PCDHA1: variants seen among roughly 807,000 people sequenced by gnomAD.
The protein encoded by PCDHA1 is protocadherin alpha-1.
In PCDHA1, 42 loss-of-function variants were observed where a neutral mutation model predicts 61.3. The ratio of observed to expected loss-of-function variants is 0.69; its 90% confidence interval spans 0.54 to 0.89. The LOEUF (loss-of-function observed/expected upper bound fraction) is 0.89, where lower values mean the gene tolerates loss of function less well. Ranked by LOEUF, PCDHA1 falls within the 40% of genes least tolerant of loss-of-function variation. PCDHA1 has a pLI of 0.00. For synonymous variants in PCDHA1, 610 were observed against 553.8 expected (o/e 1.10, Z -1.43); for missense variants, 1,256 against 1,235.3 (o/e 1.02, Z -0.25).
At chr5:140,803,410 C>T (rs369771411) in intron 1 of PCDHA1, 3 of 1,614,118 alleles carry the variant, frequency 1.9e-6, no homozygotes, top group African/African-American at 1.3e-5. Flanking sequence ...GGCAAGCCCA[C>T]GCTGGTGTGC....
intron 1 of PCDHA1, among the ~76,000 whole-genome samples, chr5:140,947,275 T>C (rs246050): frequency 1.3e-5 from 2 of 151,244 alleles, no homozygotes; most frequent in Non-Finnish European, 3.0e-5. Flanking sequence ...GAAAATACTT[T>C]TTCTTTTTAT....
At chr5:140,872,547 A>G (rs1438827788) in intron 1 of PCDHA1, among the ~76,000 whole-genome samples, 1 of 152,128 alleles carries the variant, frequency 6.6e-6, no homozygotes, top group Non-Finnish European at 1.5e-5. Context: ...GGATCCCCTG[A>G]ACCCAGGGGT....
chr5:140,850,879 C>A (rs2150501286), intron 1 of PCDHA1: 1 of 1,586,914 alleles, frequency 6.3e-7, no homozygotes, highest in South Asian at 1.1e-5. Context: ...TCCTCAGATT[C>A]AACTGGGAAG....
chr5:140,932,500 T>C (rs2088368568), intron 1 of PCDHA1, among the ~76,000 whole-genome samples: 3 of 151,914 alleles, frequency 2.0e-5, no homozygotes, highest in Non-Finnish European at 4.4e-5. Context: ...ATGTCATTTG[T>C]TAACAGTAGT....
chr5:140,959,102 G>A (rs556528085), intron 1 of PCDHA1, among the ~76,000 whole-genome samples: 2 of 152,214 alleles, frequency 1.3e-5, no homozygotes, highest in South Asian at 4.2e-4. Flanking sequence ...ACATTCAGCA[G>A]GGGTCCGAAG....
chr5:140,809,637 T>A, intron 1 of PCDHA1: 1 of 1,503,338 alleles, frequency 6.7e-7, no homozygotes, highest in Non-Finnish European at 8.9e-7. Flanking sequence ...TCTTCGTAAA[T>A]TTATTTCTAA....
intron 1 of PCDHA1, chr5:140,852,024 C>T (rs1554145640): frequency 4.2e-6 from 4 of 949,416 alleles, no homozygotes; most frequent in East Asian, 1.1e-4. Flanking sequence ...TTAAAAACTT[C>T]GCTTATTGAG....
intron 1 of PCDHA1, chr5:140,884,217 T>C (rs782181432): frequency 6.2e-7 from 1 of 1,613,448 alleles, no homozygotes; most frequent in East Asian, 2.2e-5. Flanking sequence ...CTTCTGGTGC[T>C]GGTGAAGGAC....
chr5:141,000,395 C>CTCTA (rs1213762225), intron 3 of PCDHA1, among the ~76,000 whole-genome samples: 16 of 53,972 alleles, frequency 3.0e-4, no homozygotes, highest in East Asian at 6.1e-4. Context: ...CTCTCTCTCT[C>CTCTA]TATATATATA....
chr5:140,831,512 C>T (rs1771575949), intron 1 of PCDHA1, among the ~76,000 whole-genome samples: 1 of 137,596 alleles, frequency 7.3e-6, no homozygotes, highest in African/African-American at 2.9e-5. Flanking sequence ...CACCACCATG[C>T]CCCCCACCTT....
At chr5:140,941,198 TCTTC>T (rs202127003) in intron 1 of PCDHA1, among the ~76,000 whole-genome samples, 9,614 of 119,776 alleles carry the variant, frequency 0.08, 511 homozygotes, top group Non-Finnish European at 0.089. Context: ...TTTTTTTCTT[TCTTC>T]CTTTCTTTCT....
At chr5:140,790,664 A>G (rs1761594472) in intron 1 of PCDHA1, among the ~76,000 whole-genome samples, 1 of 152,234 alleles carries the variant, frequency 6.6e-6, no homozygotes, top group Non-Finnish European at 1.5e-5. Flanking sequence ...GAAAATCACA[A>G]AATAATTTCT....
intron 1 of PCDHA1, chr5:140,794,845 C>T (rs1761883709): frequency 1.8e-6 from 2 of 1,136,942 alleles, no homozygotes; most frequent in Non-Finnish European, 2.5e-6. Context: ...CCCAGAGCCC[C>T]TTTGTTACTT....
intron 1 of PCDHA1, among the ~76,000 whole-genome samples, chr5:140,924,739 ACAAAAATTAACCGAG>A (rs2081980485): frequency 6.6e-6 from 1 of 151,884 alleles, no homozygotes; most frequent in Non-Finnish European, 1.5e-5. Flanking sequence ...TAATAAAAAT[ACAAAAATTAACCGAG>A]CATGGTGGTG....
chr5:140,816,917 T>A (rs1190742888), intron 1 of PCDHA1: 1 of 152,158 alleles, frequency 6.6e-6, no homozygotes, highest in Non-Finnish European at 1.5e-5. Context: ...AGTTATAGAT[T>A]CTGCTGAATC....
intron 1 of PCDHA1, among the ~76,000 whole-genome samples, chr5:140,790,625 A>G (rs1211684506): frequency 1.3e-5 from 2 of 152,252 alleles, no homozygotes; most frequent in African/African-American, 4.8e-5. Context: ...CAAACTTTGC[A>G]GGATTATAAA....
At chr5:140,989,373 C>A (rs1189877807) in intron 3 of PCDHA1, among the ~76,000 whole-genome samples, 1 of 152,088 alleles carries the variant, frequency 6.6e-6, no homozygotes, top group Non-Finnish European at 1.5e-5. Context: ...TGACTGAGAG[C>A]TTTGTGGGAA....
intron 1 of PCDHA1, chr5:140,801,197 A>G: frequency 3.8e-6 from 6 of 1,590,674 alleles, no homozygotes; most frequent in Non-Finnish European, 4.3e-6. Flanking sequence ...AAATACTTGC[A>G]ATGTTGTTCT....
chr5:140,969,542 C>T, intron 1 of PCDHA1: 1 of 1,279,490 alleles, frequency 7.8e-7, no homozygotes, highest in South Asian at 1.6e-5. Flanking sequence ...TTTTCAGAGG[C>T]ATGAAGCCTT....
Sources: gnomAD v4.1 joint callset for allele counts (sites outside exome capture counted in the v4.1 genomes callset) on GRCh38, gnomAD v4.1.1 for gene constraint, MANE v1.5 for transcripts, NCBI Gene and HGNC (gene_info 2026-07-23, HGNC 2026-07-21) for gene names.